Variants in KLB observed in about 807,000 individuals in gnomAD.
KLB encodes the protein beta-klotho.
KLB carries 44 observed loss-of-function variants against 88.4 expected under a neutral mutation model. That is an observed-to-expected ratio of 0.50 (90% CI 0.39 to 0.64). The LOEUF (loss-of-function observed/expected upper bound fraction) is 0.64. Among genes scored for constraint, KLB ranks in the 30% least tolerant of loss-of-function variants. The pLI is 0.00. For synonymous variants in KLB, 548 were observed against 513.4 expected (o/e 1.07, Z -0.91); for missense variants, 1,137 against 1,304.8 (o/e 0.87, Z 1.98).
At position 39,446,424 on chromosome 4, in the gene KLB, G is replaced by A; in HGVS notation, c.1698G>A (p.Gly566=). ...ACAGACTGTTGCACCGAGTGGAAGG[G>A]GTGAGGCTGAAAACACGACCCGCTC... ...TGNRLLHRVE[G]VRLKTRPAQC... Residue 566 remains glycine (G), a synonymous_variant, in exon 4 of 5, where the codon GGG becomes GGA. Transcript: ENST00000257408. This position sits in a 1 kb window ranked among gnomAD's most constrained non-coding sequence, Gnocchi z 6.4. The A allele has an allele frequency of 6.2e-7, 1 of 1,614,172 alleles. No homozygotes were observed.
chr4:39,415,815 C>G (rs1418470314), intron 1 of KLB, among the ~76,000 whole-genome samples: 1 of 152,074 alleles, frequency 6.6e-6, no homozygotes, highest in African/African-American at 2.4e-5. Flanking sequence ...GATTGCTTAA[C>G]ACTGTGAAAG....
chr4:39,444,740 C>T (rs570549862), intron 3 of KLB, among the ~76,000 whole-genome samples: 1 of 152,176 alleles, frequency 6.6e-6, no homozygotes, highest in Non-Finnish European at 1.5e-5. Context: ...AACATTAAAA[C>T]TGGCCATCTA....
At chr4:39,414,373 C>T (rs1742921654) in intron 1 of KLB, among the ~76,000 whole-genome samples, 2 of 151,248 alleles carry the variant, frequency 1.3e-5, no homozygotes, top group African/African-American at 4.9e-5. Context: ...AACATGATTA[C>T]ATCTAGTTTG....
At chr4:39,423,349 G>T (rs984167980) in intron 1 of KLB, among the ~76,000 whole-genome samples, 1 of 151,830 alleles carries the variant, frequency 6.6e-6, no homozygotes, top group Non-Finnish European at 1.5e-5. Flanking sequence ...AATTCCAAAG[G>T]TATATAGATA....
At chr4:39,412,452 T>C (rs1368270916) in intron 1 of KLB, among the ~76,000 whole-genome samples, 3 of 152,124 alleles carry the variant, frequency 2.0e-5, no homozygotes, top group African/African-American at 7.2e-5. Flanking sequence ...TGAGATACAG[T>C]TCCCAGCCTC....
intron 1 of KLB, among the ~76,000 whole-genome samples, chr4:39,411,090 G>C (rs1467477932): frequency 1.3e-5 from 2 of 152,084 alleles, no homozygotes; most frequent in Non-Finnish European, 2.9e-5. Flanking sequence ...TTTCGTTCTT[G>C]TTGCCCAGCC....
rs1218710365 is a variant in KLB at position 39,449,291 on chromosome 4, AGCC to A, written c.*606_*608del. 1 of 150,018 alleles carries A rather than the reference AGCC, an allele frequency of 6.7e-6. No individual in the cohort carries two copies. Among genetic ancestry groups the A allele is most frequent in the Non-Finnish European group, 1.5e-5 (1 of 67,692 alleles). 9.3% of individuals were successfully genotyped at this position (150,018 alleles called of 1,614,324 possible). A position where few individuals can be genotyped will look rare whatever the true frequency, so the allele number is the denominator to read the frequency against. On this transcript the variant is annotated 3_prime_UTR_variant, in exon 5 of 5. Coordinates refer to ENST00000257408, the MANE Select transcript of KLB (RefSeq NM_175737.4). The stretch of plus-strand genomic sequence containing the variant: ...GGCCAAAATTGCGCCACTGCACTCC[AGCC>A]TAGGCGACAACAGCAAGACTGTGTC...
intron 3 of KLB, among the ~76,000 whole-genome samples, chr4:39,444,708 C>G (rs1169616323): frequency 6.6e-6 from 1 of 152,150 alleles, no homozygotes; most frequent in East Asian, 1.9e-4. Context: ...CCTTTCAATA[C>G]CATGATGTTC....
chr4:39,416,042 G>A (rs1190796907), intron 1 of KLB, among the ~76,000 whole-genome samples: 2 of 151,400 alleles, frequency 1.3e-5, no homozygotes, highest in Non-Finnish European at 2.9e-5. Context: ...TTCAATTTAA[G>A]GAAGATCTAC....
intron 1 of KLB, among the ~76,000 whole-genome samples, chr4:39,422,225 G>A (rs1422042331): frequency 6.6e-6 from 1 of 152,184 alleles, no homozygotes; most frequent in Admixed American, 6.5e-5. Context: ...CAGTGAACTA[G>A]GAAGGTGAAG....
chr4:39,434,291 C>T lies in KLB; in HGVS notation c.907C>T (p.His303Tyr). ...KGWLSITLGS[H>Y]WIEPNRSENT... ...TTGGTTATCGATCACGTTGGGATCTCATTGGATCGAGCCAAACCGGTCGGA... is the reference window on the plus strand; with the variant it reads ...TTGGTTATCGATCACGTTGGGATCTTATTGGATCGAGCCAAACCGGTCGGA... The change falls in exon 2 of 5, where the codon CAT becomes TAT. Residue 303 changes from histidine (H) to tyrosine (Y), a missense_variant. His to Tyr is a moderately conservative substitution (Grantham distance 83). Transcript: ENST00000257408. The T allele has an allele frequency of 6.2e-7, 1 of 1,614,166 alleles. No individual in the cohort carries two copies. The highest frequency in any genetic ancestry group is 1.1e-5 in the South Asian group (1 of 91,086).
At chr4:39,436,967 C>T (rs955076296) in intron 2 of KLB, among the ~76,000 whole-genome samples, 2 of 152,220 alleles carry the variant, frequency 1.3e-5, no homozygotes, top group African/African-American at 4.8e-5. Flanking sequence ...ACCTCAGCCT[C>T]CCAAAGTGCT....
At chr4:39,432,385 C>G (rs569531811) in intron 1 of KLB, among the ~76,000 whole-genome samples, 1 of 152,264 alleles carries the variant, frequency 6.6e-6, no homozygotes, top group East Asian at 1.9e-4. Context: ...GAGAGTGGTT[C>G]TGACACAGAT....
intron 2 of KLB, among the ~76,000 whole-genome samples, chr4:39,435,468 C>T (rs546807085): frequency 6.7e-6 from 1 of 150,246 alleles, no homozygotes; most frequent in African/African-American, 2.5e-5. Context: ...TCTTGTTTCC[C>T]AGGCTGGAAT....
At chr4:39,416,572 G>A (rs6836420) in intron 1 of KLB, among the ~76,000 whole-genome samples, 44,677 of 151,918 alleles carry the variant, frequency 0.29, 7,009 homozygotes, top group African/African-American at 0.4. Flanking sequence ...CTTGACTCCA[G>A]GAGTTCAAGA....
chr4:39,443,693 G>T (rs909460019), intron 3 of KLB, among the ~76,000 whole-genome samples: 1 of 149,930 alleles, frequency 6.7e-6, no homozygotes, highest in East Asian at 1.9e-4. Context: ...CCTCAGAGAC[G>T]GAGGTTGCAG....
chr4:39,424,980 G>A (rs968834989), intron 1 of KLB, among the ~76,000 whole-genome samples: 1 of 152,120 alleles, frequency 6.6e-6, no homozygotes, highest in Non-Finnish European at 1.5e-5. Context: ...CTGAGGAAAG[G>A]CTTCAAGTCA....
At chr4:39,427,019 A>C (rs536945052) in intron 1 of KLB, among the ~76,000 whole-genome samples, 1 of 152,300 alleles carries the variant, frequency 6.6e-6, no homozygotes, top group East Asian at 1.9e-4. Flanking sequence ...TGGATGAATG[A>C]ATGAATGTTA....
At position 39,423,185 on chromosome 4, in the gene KLB, C is replaced by T. The variant is rs953123315; in HGVS notation, c.826-11025C>T. Among the ~76,000 whole-genome samples the T allele has an allele frequency of 9.9e-5, 15 of 151,982 alleles. No individual in the cohort carries two copies. In the South Asian group the frequency reaches 1.0e-3, roughly 10 times the overall value. On this transcript the variant is annotated intron_variant, in intron 1 of 4. Coordinates refer to ENST00000257408, the MANE Select transcript of KLB (RefSeq NM_175737.4). ...GACATCAGTGAGGAAAATAATCCAA[C>T]GCTAACGTTACTGGTTTTAGGAGAG...
Sources: gnomAD v4.1 joint callset for allele counts (sites outside exome capture counted in the v4.1 genomes callset) on GRCh38, gnomAD v4.1.1 for gene constraint, Gnocchi (gnomAD v3.1) non-coding constraint, MANE v1.5 for transcripts, NCBI Gene and HGNC (gene_info 2026-07-23, HGNC 2026-07-21) for gene names.